CFAP47: variants seen among roughly 807,000 people sequenced by gnomAD.
The protein encoded by CFAP47 is cilia- and flagella-associated protein 47.
CFAP47 carries 29 observed loss-of-function variants against 148.1 expected under a neutral mutation model. The ratio of observed to expected loss-of-function variants is 0.20; its 90% confidence interval spans 0.15 to 0.27. CFAP47 has a LOEUF of 0.27. Among genes scored for constraint, CFAP47 ranks in the 10% least tolerant of loss-of-function variants. The pLI is 1.00. For synonymous variants in CFAP47, 664 were observed against 577.3 expected (o/e 1.15, Z -2.15); for missense variants, 1,872 against 1,697.5 (o/e 1.10, Z -1.81).
intron 61 of CFAP47, 46 bp from the exon 62 acceptor site, chrX:36,366,915 TCTTTA>T: frequency 2.3e-6 from 2 of 858,908 alleles, no homozygotes; most frequent in Non-Finnish European, 3.1e-6. Context: ...ATATTTATTC[TCTTTA>T]CTTGTTTTCA....
chrX:36,021,298 C>CT (rs1358900669), intron 22 of CFAP47, among the ~76,000 whole-genome samples: 1 of 108,996 alleles, frequency 9.2e-6, no homozygotes, highest in African/African-American at 3.4e-5. Flanking sequence ...TTTGTGTGTC[C>CT]TTTTTTTAAT....
intron 61 of CFAP47, among the ~76,000 whole-genome samples, chrX:36,364,437 CTAATAAAT>C (rs1569326791): frequency 1.2e-5 from 1 of 82,771 alleles, no homozygotes; most frequent in Non-Finnish European, 2.3e-5. Context: ...TCAGATTGTC[CTAATAAAT>C]AAATAAATAA....
At chrX:36,141,803 G>T (rs773628275) in intron 35 of CFAP47, among the ~76,000 whole-genome samples, 11,670 of 111,393 alleles carry the variant, frequency 0.1, 1,206 homozygotes, top group African/African-American at 0.32. Context: ...GACCTACAGA[G>T]TGTTTTAGGA....
At chrX:36,363,009 A>G (rs1941842150) in intron 61 of CFAP47, among the ~76,000 whole-genome samples, 1 of 111,737 alleles carries the variant, frequency 8.9e-6, no homozygotes, top group Admixed American at 9.5e-5. Context: ...TTATTTGTGA[A>G]AATGGGCAGA....
At chrX:36,133,867 C>T (rs927301000) in intron 33 of CFAP47, among the ~76,000 whole-genome samples, 4 of 107,729 alleles carry the variant, frequency 3.7e-5, no homozygotes, top group Middle Eastern at 4.8e-3. Context: ...CCTCTTGCCC[C>T]GAGAAAGGGG....
chrX:36,086,041 A>G (rs891707012), intron 30 of CFAP47, among the ~76,000 whole-genome samples: 12 of 111,895 alleles, frequency 1.1e-4, no homozygotes, highest in African/African-American at 3.9e-4. Flanking sequence ...GACTATTATT[A>G]GTATCATCTC....
At chrX:36,235,717 C>G (rs781852990) in intron 46 of CFAP47, among the ~76,000 whole-genome samples, 1 of 112,508 alleles carries the variant, frequency 8.9e-6, no homozygotes, top group Non-Finnish European at 1.9e-5. Flanking sequence ...GCATCGCTCA[C>G]GCTAGGAGCT....
At chrX:36,370,950 G>A (rs1941926873) in intron 62 of CFAP47, among the ~76,000 whole-genome samples, 2 of 111,245 alleles carry the variant, frequency 1.8e-5, no homozygotes, top group African/African-American at 3.3e-5. Context: ...AAACCCCATG[G>A]TGGTAGCTAC....
chrX:36,073,358 TAAG>T lies in CFAP47; in HGVS notation c.4689_4691del (p.Arg1564del). On this transcript the variant is annotated inframe_deletion, in exon 29 of 64. Transcript: ENST00000378653. ...CATTCTTTTTCTATTCCAGAGACTA[TAAG>T]AAGGTGAGAGTCCCATGTTTCTCTA... is the stretch of plus-strand genomic sequence containing the variant. The T allele has an allele frequency of 8.5e-7, 1 of 1,172,460 alleles. No homozygotes were observed. The highest frequency in any genetic ancestry group is 1.2e-6 in the Non-Finnish European group (1 of 862,274).
chrX:36,247,575 T>A (rs1555997369), intron 48 of CFAP47, among the ~76,000 whole-genome samples: 1 of 111,561 alleles, frequency 9.0e-6, no homozygotes, highest in African/African-American at 3.2e-5. Flanking sequence ...TTCTGTATGC[T>A]ACTGAAATTA....
intron 38 of CFAP47, among the ~76,000 whole-genome samples, chrX:36,160,381 T>C (rs1453853486): frequency 8.9e-6 from 1 of 112,107 alleles, no homozygotes; most frequent in South Asian, 3.7e-4. Context: ...TAGCCTGTCA[T>C]TGGTGGTTCT....
At chrX:36,233,670 G>C (rs1940405741) in intron 46 of CFAP47, among the ~76,000 whole-genome samples, 1 of 111,484 alleles carries the variant, frequency 9.0e-6, no homozygotes, top group Non-Finnish European at 1.9e-5. Flanking sequence ...ATGTTAGCTG[G>C]TTATTTTGCT....
chrX:35,952,356 T>C, intron 6 of CFAP47, among the ~76,000 whole-genome samples: 1 of 111,820 alleles, frequency 8.9e-6, no homozygotes. Context: ...GCAGAATTAT[T>C]GCTGACTATC....
At chrX:36,366,135 A>C (rs1341196047) in intron 61 of CFAP47, among the ~76,000 whole-genome samples, 1 of 111,610 alleles carries the variant, frequency 9.0e-6, no homozygotes, top group Non-Finnish European at 1.9e-5. Context: ...TTATAGTCCC[A>C]CCTAAGAAGA....
At chrX:35,982,797 A>C (rs752160004) in intron 15 of CFAP47, among the ~76,000 whole-genome samples, 17 of 111,121 alleles carry the variant, frequency 1.5e-4, no homozygotes, top group African/African-American at 4.9e-4. Context: ...TGGACTCTCT[A>C]GTCTGTTCCA....
At chrX:36,262,451 A>G (rs986878610) in intron 49 of CFAP47, among the ~76,000 whole-genome samples, 4 of 111,949 alleles carry the variant, frequency 3.6e-5, no homozygotes, top group African/African-American at 1.3e-4. Context: ...TAGATCCACA[A>G]ATAAGAAAAT....
chrX:36,003,402 G>GT (rs1280554767), intron 21 of CFAP47, among the ~76,000 whole-genome samples: 46 of 97,818 alleles, frequency 4.7e-4, no homozygotes, highest in Admixed American at 8.9e-4. Context: ...TAGCCTTATT[G>GT]TTTTTTTTTT....
intron 35 of CFAP47, among the ~76,000 whole-genome samples, chrX:36,142,709 T>G (rs1939163951): frequency 9.0e-6 from 1 of 111,710 alleles, no homozygotes. Flanking sequence ...TTTTTTAATT[T>G]GCCAAATTGC....
chrX:36,252,488 A>T (rs1268016260), intron 49 of CFAP47, among the ~76,000 whole-genome samples: 1 of 110,794 alleles, frequency 9.0e-6, no homozygotes, highest in African/African-American at 3.3e-5. Context: ...TTAACCTCAA[A>T]TGCCAACACA....
Sources: gnomAD v4.1 joint callset for allele counts (sites outside exome capture counted in the v4.1 genomes callset) on GRCh38, gnomAD v4.1.1 for gene constraint, MANE v1.5 for transcripts, NCBI Gene and HGNC (gene_info 2026-07-23, HGNC 2026-07-21) for gene names.